The following PACSIN2 variants were observed in gnomAD, a reference collection of about 807,000 sequenced individuals.
The protein encoded by PACSIN2 is protein kinase C and casein kinase substrate in neurons protein 2.
PACSIN2 carries 25 observed loss-of-function variants against 63.8 expected under a neutral mutation model. The ratio of observed to expected loss-of-function variants is 0.39; its 90% confidence interval spans 0.29 to 0.55. The LOEUF (loss-of-function observed/expected upper bound fraction) is 0.55, where lower values mean the gene tolerates loss of function less well. PACSIN2 is among the 20% of genes least tolerant of loss of function. The pLI is 0.62. For synonymous variants in PACSIN2, 255 were observed against 256.2 expected, an observed-to-expected ratio of 1.00 and a Z score of 0.05; for missense variants, 518 against 646.9, an observed-to-expected ratio of 0.80 and a Z score of 2.16.
chr22:42,924,786 T>C (rs1932429042), intron 1 of PACSIN2, among the ~76,000 whole-genome samples: 1 of 150,764 alleles, frequency 6.6e-6, no homozygotes, highest in Non-Finnish European at 1.5e-5. Context: ...ACACAGTGTC[T>C]AGCTCTGTCG....
At chr22:42,994,484 A>G (rs1418450489) in intron 1 of PACSIN2, among the ~76,000 whole-genome samples, 1 of 152,090 alleles carries the variant, frequency 6.6e-6, no homozygotes, top group Admixed American at 6.5e-5. Flanking sequence ...GTCCACACAT[A>G]CCCTGCCCAT....
rs1258358102 is a variant in PACSIN2 at position 42,912,218 on chromosome 22, A to G, written c.-77-61T>C. ...AATTCCCAAGGTAAAGAAACAAGTC[A>G]TCTCTATTTCACAACTTCCCGTTTC... On this transcript the variant is annotated intron_variant, in intron 1 of 10. Coordinates refer to ENST00000263246, the MANE Select transcript of PACSIN2 (RefSeq NM_001184970.3). The G allele has an allele frequency of 6.6e-6, 4 of 603,778 alleles. No individual in the cohort carries two copies. The East Asian group carries it at 1.2e-4, about 18-fold the overall frequency. The allele number at this position is 603,778 out of a possible 1,614,324, so 37.4% of individuals were successfully genotyped here.
chr22:42,970,976 C>T, intron 1 of PACSIN2, among the ~76,000 whole-genome samples: 1 of 152,224 alleles, frequency 6.6e-6, no homozygotes, highest in East Asian at 1.9e-4. Flanking sequence ...GCCCTCTCTG[C>T]TACAGCCTAC....
intron 2 of PACSIN2, among the ~76,000 whole-genome samples, chr22:42,904,150 A>G (rs1357232067): frequency 6.6e-6 from 1 of 152,260 alleles, no homozygotes; most frequent in Non-Finnish European, 1.5e-5. Context: ...GGATGTGTTT[A>G]CGCAAAGCTG....
At chr22:42,987,523 ATTC>A (rs1922715138) in intron 1 of PACSIN2, among the ~76,000 whole-genome samples, 1 of 53,552 alleles carries the variant, frequency 1.9e-5, no homozygotes. Flanking sequence ...AGACGGGCAC[ATTC>A]ATTCTTTTTT....
chr22:42,926,494 A>C (rs1932543319), intron 1 of PACSIN2, among the ~76,000 whole-genome samples: 3 of 152,206 alleles, frequency 2.0e-5, no homozygotes, highest in African/African-American at 7.2e-5. Flanking sequence ...CTGCAAACTG[A>C]AGAAAAACAG....
chr22:42,963,562 T>C (rs965411814), intron 1 of PACSIN2, among the ~76,000 whole-genome samples: 2 of 152,228 alleles, frequency 1.3e-5, no homozygotes, highest in African/African-American at 4.8e-5. Context: ...GATTGTCGCA[T>C]GGTAAAAATG....
Position 42,912,085 on chromosome 22 carries a change from T to A in PACSIN2, c.-5A>T, listed in dbSNP as rs760651671. ...ATCATCATATGTGACAGACATTTTT[T>A]CAAAGGCTGAGGGAGCAGCAAAGTA... is the stretch of plus-strand genomic sequence containing the variant. On this transcript the variant is annotated 5_prime_UTR_variant, in exon 2 of 11. Transcript: ENST00000263246. 1 of 1,596,270 alleles carries A rather than the reference T, an allele frequency of 6.3e-7. No homozygotes were observed. The highest frequency in any genetic ancestry group is 1.4e-5 in the African/African-American group (1 of 73,964).
chr22:42,999,926 T>G (rs1461356978), intron 1 of PACSIN2, among the ~76,000 whole-genome samples: 12 of 152,254 alleles, frequency 7.9e-5, no homozygotes, highest in Admixed American at 6.5e-5. Context: ...CCGATGGCTG[T>G]GCTACAATGG....
chr22:42,927,148 G>C (rs868291972), intron 1 of PACSIN2, among the ~76,000 whole-genome samples: 11 of 152,280 alleles, frequency 7.2e-5, no homozygotes, highest in South Asian at 2.1e-4. Context: ...ATCATCTATG[G>C]ACTGACTTCA....
chr22:42,949,116 G>A (rs1404279702), intron 1 of PACSIN2, among the ~76,000 whole-genome samples: 1 of 152,166 alleles, frequency 6.6e-6, no homozygotes, highest in Non-Finnish European at 1.5e-5. Context: ...AACAAGGTGG[G>A]ATCCTGTCTC....
rs1166788481 is a variant in PACSIN2, at chr22:42,999,062, A to G, written c.-78+15959T>C. ...TGACCTGATTCTTCCTGGACGCCAG[A>G]TAATTCGGGATGCTGAACCCAAAAA... On this transcript the variant is annotated intron_variant, in intron 1 of 10. Coordinates refer to ENST00000263246, the MANE Select transcript of PACSIN2 (RefSeq NM_001184970.3). Among the ~76,000 whole-genome samples the G allele has an allele frequency of 2.0e-5, 3 of 152,228 alleles. No homozygotes were observed. The East Asian group carries it at 5.8e-4, about 29-fold the overall frequency.
chr22:42,962,775 C>CGGGGCGG (rs756766401), intron 1 of PACSIN2, among the ~76,000 whole-genome samples: 1,902 of 16,040 alleles, frequency 0.12, 112 homozygotes, highest in East Asian at 0.34. Flanking sequence ...AAGGTGTGGG[C>CGGGGCGG]GGGGGGGGGG....
intron 1 of PACSIN2, among the ~76,000 whole-genome samples, chr22:42,978,395 G>A (rs1487408604): frequency 1.3e-5 from 2 of 152,112 alleles, no homozygotes; most frequent in Admixed American, 6.5e-5. Flanking sequence ...AACCTATAAC[G>A]CTGAGAAATC....
chr22:42,906,227 T>C (rs553149497), intron 2 of PACSIN2, among the ~76,000 whole-genome samples: 54 of 152,378 alleles, frequency 3.5e-4, no homozygotes, highest in African/African-American at 1.3e-3. Context: ...CCTGACTGAC[T>C]GACCAAGGGG....
intron 1 of PACSIN2, among the ~76,000 whole-genome samples, chr22:42,974,855 GAAC>G (rs949120160): frequency 1.2e-4 from 18 of 151,998 alleles, no homozygotes; most frequent in South Asian, 2.1e-4. Context: ...CGAGGAGAAG[GAAC>G]AACAACAACA....
chr22:42,887,703 C>T (rs576692436), intron 5 of PACSIN2, among the ~76,000 whole-genome samples: 19 of 152,280 alleles, frequency 1.2e-4, no homozygotes, highest in African/African-American at 4.6e-4. Flanking sequence ...TTTTAAATCA[C>T]AAGACGATGA....
intron 6 of PACSIN2, among the ~76,000 whole-genome samples, chr22:42,884,014 A>AAGAAAGAAAAGAAAAGAAAAG (rs1929279768): frequency 6.6e-6 from 1 of 151,866 alleles, no homozygotes; most frequent in African/African-American, 2.4e-5. Context: ...TCAAAAAAAA[A>AAGAAAGAAAAGAAAAGAAAAG]AAAAGAAAAG....
intron 1 of PACSIN2, among the ~76,000 whole-genome samples, chr22:42,991,965 A>G (rs2146904742): frequency 6.6e-6 from 1 of 152,340 alleles, no homozygotes; most frequent in South Asian, 2.1e-4. Flanking sequence ...CAAAGATTTT[A>G]GCTGTGACAC....
Sources: allele counts gnomAD v4.1 joint callset (sites outside exome capture counted in the v4.1 genomes callset), GRCh38; gene constraint gnomAD v4.1.1; transcripts MANE v1.5; gene names NCBI Gene and HGNC (gene_info 2026-07-23, HGNC 2026-07-21).